DLD: variants seen among roughly 807,000 people sequenced by gnomAD.
DLD encodes the protein dihydrolipoyl dehydrogenase, mitochondrial.
Under a neutral mutation model 62.2 loss-of-function variants are expected in DLD, and 36 were observed. The ratio of observed to expected loss-of-function variants is 0.58; its 90% confidence interval spans 0.44 to 0.76. The LOEUF (loss-of-function observed/expected upper bound fraction) is 0.76. Among genes scored for constraint, DLD ranks in the 30% least tolerant of loss-of-function variants. The pLI, the probability that DLD is intolerant of heterozygous loss-of-function variation, is 0.00. For missense variants in DLD, 541 were observed against 608.6 expected (o/e 0.89, Z 1.17); for synonymous variants, 204 against 199.6 (o/e 1.02, Z -0.19).
rs1031290562 is a variant in DLD, at chr7:107,919,759, GTTTTA to G, written c.*504_*508del. On this transcript the variant is annotated 3_prime_UTR_variant, in exon 14 of 14. Coordinates refer to ENST00000205402, the MANE Select transcript of DLD (RefSeq NM_000108.5). ...GATGTAAGTAAACGGTCTCTCACTT[GTTTTA>G]TTTAACCTCTAAATTCTTTCATTTT... The G allele has an allele frequency of 6.5e-6, 1 of 154,954 alleles. No homozygotes were observed. Among genetic ancestry groups the G allele is most frequent in the African/African-American group, 2.4e-5 (1 of 41,462 alleles). 9.6% of individuals were successfully genotyped at this position (154,954 alleles called of 1,614,324 possible).
At chr7:107,908,545 G>A (rs2032064468) in intron 8 of DLD, among the ~76,000 whole-genome samples, 1 of 151,842 alleles carries the variant, frequency 6.6e-6, no homozygotes, top group Non-Finnish European at 1.5e-5. Flanking sequence ...GTGTGTGCCT[G>A]TAGTCCCAGC....
At chr7:107,898,384 G>A (rs576808696) in intron 2 of DLD, among the ~76,000 whole-genome samples, 2 of 144,210 alleles carry the variant, frequency 1.4e-5, no homozygotes, top group African/African-American at 2.6e-5. Flanking sequence ...GGGTTCAAGC[G>A]ATTCTCCTGC....
At chr7:107,897,034 C>T (rs1041363106) in intron 2 of DLD, among the ~76,000 whole-genome samples, 26 of 152,078 alleles carry the variant, frequency 1.7e-4, no homozygotes, top group Non-Finnish European at 2.8e-4. Flanking sequence ...GGGGTTTCAC[C>T]ATGTTGGCCA....
chr7:107,893,037 AAG>A (rs1179204582), intron 1 of DLD, among the ~76,000 whole-genome samples, 161 bp from the exon 2 acceptor site: 1 of 152,370 alleles, frequency 6.6e-6, no homozygotes, highest in East Asian at 1.9e-4. Context: ...GTTATTGTCA[AAG>A]AGGGGATATT....
intron 2 of DLD, among the ~76,000 whole-genome samples, chr7:107,893,843 A>C (rs976585884): frequency 6.6e-6 from 1 of 152,226 alleles, no homozygotes. Flanking sequence ...AGTTTGGATT[A>C]TACTCCAAGT....
intron 8 of DLD, among the ~76,000 whole-genome samples, chr7:107,909,320 T>C (rs2032084004): frequency 6.6e-6 from 1 of 152,238 alleles, no homozygotes; most frequent in Admixed American, 6.5e-5. Flanking sequence ...ATTTTGGAAG[T>C]ATGACAATTA....
At chr7:107,894,235 C>T (rs2116167590) in intron 2 of DLD, among the ~76,000 whole-genome samples, 1 of 152,282 alleles carries the variant, frequency 6.6e-6, no homozygotes, top group Admixed American at 6.5e-5. Flanking sequence ...TTGACATTTA[C>T]TGAATTCACC....
At chr7:107,893,405 T>G in intron 2 of DLD, 127 bp downstream of exon 2, 1 of 746,862 alleles carries the variant, frequency 1.3e-6, no homozygotes, top group Non-Finnish European at 2.1e-6. Context: ...GTTCATGTAT[T>G]TATTCGTTTG....
chr7:107,895,402 C>G (rs545661497), intron 2 of DLD, among the ~76,000 whole-genome samples: 1 of 152,302 alleles, frequency 6.6e-6, no homozygotes, highest in Admixed American at 6.5e-5. Flanking sequence ...GAACCAGGTT[C>G]ATCAGAATTT....
At chr7:107,903,746 G>T (rs2031935558) in intron 5 of DLD, 199 bp downstream of exon 5, 1 of 449,246 alleles carries the variant, frequency 2.2e-6, no homozygotes, top group African/African-American at 2.0e-5. Context: ...GTATAACCAA[G>T]CCTAACCCTG....
At position 107,891,254 on chromosome 7, in the gene DLD, C is replaced by CA; in HGVS notation, c.5dup (p.Ser3GlufsTer39). ...GAAAGGAAAATACAGCGGAAAAATG[C>CA]AGAGCTGGAGTCGTGTGTACTGCTC... On this transcript the variant is annotated frameshift_variant, in exon 1 of 14. Transcript: ENST00000205402. LOFTEE classifies it high-confidence loss of function. The CA allele has an allele frequency of 6.2e-7, 1 of 1,614,156 alleles. No individual in the cohort carries two copies. The highest frequency in any genetic ancestry group is 8.5e-7 in the Non-Finnish European group (1 of 1,179,974).
intron 8 of DLD, among the ~76,000 whole-genome samples, chr7:107,913,434 A>G (rs1176238282): frequency 1.3e-5 from 2 of 150,950 alleles, no homozygotes; most frequent in African/African-American, 2.4e-5. Context: ...TTTTTATTGT[A>G]TAGATCTTTC....
At chr7:107,898,801 C>T (rs1158062964) in intron 2 of DLD, among the ~76,000 whole-genome samples, 1 of 151,118 alleles carries the variant, frequency 6.6e-6, no homozygotes, top group African/African-American at 2.4e-5. Context: ...GTCTTGATCT[C>T]CTGACCTCGT....
chr7:107,906,298 G>A lies in DLD; in HGVS notation c.614G>A (p.Gly205Asp). 1 of 1,604,850 alleles carries A rather than the reference G, an allele frequency of 6.2e-7. No individual in the cohort carries two copies. Among genetic ancestry groups the A allele is most frequent in the South Asian group, 1.1e-5 (1 of 90,894 alleles). ...GAAGATACAATAGTGTCATCTACAGGTGCTTTATCTTTAAAAAAAGTTCCA... is the reference window on the plus strand; with the variant it reads ...GAAGATACAATAGTGTCATCTACAGATGCTTTATCTTTAAAAAAAGTTCCA... Reference protein sequence around the residue: ...IDEDTIVSSTGALSLKKVPEK... With the variant: ...IDEDTIVSSTDALSLKKVPEK... Residue 205 changes from glycine (G) to aspartate (D), a missense_variant, in exon 8 of 14, where the codon GGT (glycine) becomes GAT (aspartate). Transcript: ENST00000205402.
intron 2 of DLD, among the ~76,000 whole-genome samples, chr7:107,893,823 C>G (rs762196576): frequency 3.9e-5 from 6 of 152,144 alleles, no homozygotes; most frequent in African/African-American, 7.2e-5. Context: ...CCTTGTAAGG[C>G]AGGTCTAGTA....
intron 7 of DLD, 105 bp from the exon 8 acceptor site, chr7:107,906,162 T>G: frequency 3.0e-6 from 2 of 677,670 alleles, no homozygotes; most frequent in Non-Finnish European, 5.2e-6. Context: ...ATATTTTCAA[T>G]TAATGGTTGG....
chr7:107,903,744 A>G, intron 5 of DLD, 197 bp downstream of exon 5: 1 of 458,904 alleles, frequency 2.2e-6, no homozygotes, highest in South Asian at 2.2e-5. Context: ...AAGTATAACC[A>G]AGCCTAACCC....
In DLD at chr7:107,917,973, C is replaced by G. The variant is rs767769485; in HGVS notation, c.1286C>G (p.Ala429Gly). Residue 429 changes from alanine (A) to glycine (G), a missense_variant, in exon 12 of 14, where the codon GCT becomes GGT. Physicochemically the swap from Ala to Gly is moderately conservative, Grantham distance 60 (BLOSUM62 0). Coordinates refer to ENST00000205402, the MANE Select transcript of DLD (RefSeq NM_000108.5). ...GKFPFAANSR[A>G]KTNADTDGMV... ...TTCCCATTTGCTGCTAACAGCAGAG[C>G]TAAGACAAATGCTGACACAGATGGC... The G allele has an allele frequency of 6.2e-7, 1 of 1,614,026 alleles. No homozygotes were observed. Among genetic ancestry groups the G allele is most frequent in the East Asian group, 2.2e-5 (1 of 44,878 alleles).
Position 107,891,190 on chromosome 7 carries a change from G to A in DLD, c.-61G>A. ...TGCGCAGGGAGGGGAGACCTTGGCG[G>A]AGCGGCGGAGGCGCCCAGCGGAGGT... On this transcript the variant is annotated 5_prime_UTR_variant, in exon 1 of 14. Coordinates refer to ENST00000205402, the MANE Select transcript of DLD (RefSeq NM_000108.5). 1 of 1,604,968 alleles carries A rather than the reference G, an allele frequency of 6.2e-7. No individual in the cohort carries two copies. The highest frequency in any genetic ancestry group is 1.1e-5 in the South Asian group (1 of 90,590).
Sources: gnomAD v4.1 joint callset for allele counts (sites outside exome capture counted in the v4.1 genomes callset) on GRCh38, gnomAD v4.1.1 for gene constraint, MANE v1.5 for transcripts, NCBI Gene and HGNC (gene_info 2026-07-23, HGNC 2026-07-21) for gene names.